MEGF11: variants seen among roughly 807,000 people sequenced by gnomAD.
MEGF11 encodes the protein multiple EGF like domains 11.
In MEGF11, 126 loss-of-function variants were observed where a neutral mutation model predicts 146.6. That is an observed-to-expected ratio of 0.86 (90% CI 0.74 to 1.00). The LOEUF (loss-of-function observed/expected upper bound fraction) is 1.00, where lower values mean the gene tolerates loss of function less well. Among genes scored for constraint, MEGF11 ranks in the 50% least tolerant of loss-of-function variants. The pLI is 0.00. For synonymous variants in MEGF11, 532 were observed against 583.4 expected, an observed-to-expected ratio of 0.91 and a Z score of 1.27; for missense variants, 1,509 against 1,521.2, an observed-to-expected ratio of 0.99 and a Z score of 0.13.
intron 5 of MEGF11, among the ~76,000 whole-genome samples, chr15:66,012,901 G>T (rs574915806): frequency 1.3e-5 from 2 of 152,256 alleles, no homozygotes; most frequent in Non-Finnish European, 2.9e-5. Context: ...CCGCACAGGG[G>T]TTCTGCAGTA....
intron 1 of MEGF11, among the ~76,000 whole-genome samples, chr15:66,194,524 C>T (rs1022148039): frequency 6.6e-6 from 1 of 152,144 alleles, no homozygotes. Flanking sequence ...AGGAGAATCG[C>T]TTGAACCCAG....
chr15:66,137,558 T>C, intron 1 of MEGF11, among the ~76,000 whole-genome samples: 1 of 100,906 alleles, frequency 9.9e-6, no homozygotes, highest in Admixed American at 1.2e-4. Flanking sequence ...TGACTTTCTT[T>C]CTTTTTTTTT....
At chr15:66,194,006 T>A (rs1319671689) in intron 1 of MEGF11, among the ~76,000 whole-genome samples, 1 of 152,120 alleles carries the variant, frequency 6.6e-6, no homozygotes, top group Non-Finnish European at 1.5e-5. Flanking sequence ...TACGTATCTA[T>A]CCAGAGGAAA....
At chr15:66,037,840 G>A (rs758005597) in intron 5 of MEGF11, among the ~76,000 whole-genome samples, 31 of 152,192 alleles carry the variant, frequency 2.0e-4, no homozygotes, top group Non-Finnish European at 1.6e-4. Flanking sequence ...TGTCTAGCCC[G>A]GGGTTCCCCA....
At chr15:66,067,017 T>C (rs1214661345) in intron 5 of MEGF11, among the ~76,000 whole-genome samples, 2 of 152,214 alleles carry the variant, frequency 1.3e-5, no homozygotes, top group African/African-American at 2.4e-5. Flanking sequence ...GCTATCTCTC[T>C]GGGCTTCGGT....
chr15:65,938,942 T>C (rs974454763), intron 10 of MEGF11, among the ~76,000 whole-genome samples: 1 of 152,254 alleles, frequency 6.6e-6, no homozygotes, highest in Admixed American at 6.5e-5. Flanking sequence ...GGAAAATTAA[T>C]CAACAGCTGA....
At chr15:65,971,772 G>A (rs1250196003) in intron 7 of MEGF11, among the ~76,000 whole-genome samples, 2 of 152,152 alleles carry the variant, frequency 1.3e-5, no homozygotes, top group Non-Finnish European at 2.9e-5. Context: ...TGAACAGATG[G>A]CCAAGGATCA....
intron 20 of MEGF11, 149 bp downstream of exon 20, chr15:65,913,588 G>C: frequency 1.4e-6 from 1 of 693,612 alleles, no homozygotes; most frequent in Non-Finnish European, 2.5e-6. Flanking sequence ...TCTTCTCTAG[G>C]TAGGCTCCTG....
intron 5 of MEGF11, among the ~76,000 whole-genome samples, chr15:65,993,769 G>T (rs995042510): frequency 2.6e-5 from 4 of 152,186 alleles, no homozygotes; most frequent in Non-Finnish European, 4.4e-5. Context: ...GAAGTTGTGG[G>T]GTCCAAGCCC....
intron 5 of MEGF11, among the ~76,000 whole-genome samples, chr15:66,032,331 T>C (rs1339951775): frequency 2.6e-5 from 4 of 151,978 alleles, no homozygotes; most frequent in African/African-American, 9.7e-5. Flanking sequence ...TACTGAAAAA[T>C]GGGATTGTTG....
chr15:65,988,869 G>A (rs911441701), intron 5 of MEGF11, among the ~76,000 whole-genome samples: 1 of 152,114 alleles, frequency 6.6e-6, no homozygotes, highest in African/African-American at 2.4e-5. Context: ...CCAGCTCAGC[G>A]GGGCACAAGA....
At chr15:65,986,689 G>A (rs1040935956) in intron 5 of MEGF11, among the ~76,000 whole-genome samples, 7 of 151,784 alleles carry the variant, frequency 4.6e-5, no homozygotes, top group South Asian at 2.1e-4. Context: ...ACAGAGAATC[G>A]CAAACTCTTA....
intron 1 of MEGF11, among the ~76,000 whole-genome samples, chr15:66,213,975 TCTC>T (rs1405621316): frequency 6.6e-6 from 1 of 150,772 alleles, no homozygotes; most frequent in African/African-American, 2.4e-5. Context: ...CGCCAACCCT[TCTC>T]CTCTCCCTGA....
chr15:66,154,274 A>C (rs1016177175), intron 1 of MEGF11, among the ~76,000 whole-genome samples: 2 of 137,740 alleles, frequency 1.5e-5, no homozygotes, highest in East Asian at 4.6e-4. Context: ...CTGTTGCTTC[A>C]CTCCATTCTC....
intron 15 of MEGF11, among the ~76,000 whole-genome samples, chr15:65,920,462 C>G (rs948690158): frequency 6.6e-6 from 1 of 152,202 alleles, no homozygotes; most frequent in Non-Finnish European, 1.5e-5. Context: ...GCCAGAGCTG[C>G]TCCCCCTACC....
At chr15:66,019,613 G>A (rs544277429) in intron 5 of MEGF11, among the ~76,000 whole-genome samples, 27 of 152,284 alleles carry the variant, frequency 1.8e-4, no homozygotes, top group Middle Eastern at 3.4e-3. Flanking sequence ...GCAGCAGACC[G>A]GCTCCTCCAG....
chr15:65,931,280 C>T (rs138476286), intron 10 of MEGF11, among the ~76,000 whole-genome samples: 18 of 152,136 alleles, frequency 1.2e-4, no homozygotes, highest in Non-Finnish European at 2.4e-4. Flanking sequence ...GAAGGGGCCA[C>T]GAGCTGAGGA....
chr15:66,178,419 C>T (rs1320253591), intron 1 of MEGF11, among the ~76,000 whole-genome samples: 3 of 152,210 alleles, frequency 2.0e-5, no homozygotes, highest in Admixed American at 1.3e-4. Context: ...AAAACTTGCT[C>T]TTCCTATTAA....
Position 66,228,412 on chromosome 15 carries a change from T to C in MEGF11, c.-9+25193A>G, listed in dbSNP as rs1033771996. 4.0e-5 allele frequency among the ~76,000 whole-genome samples: 6 copies of C among 151,770 alleles called. No homozygotes were observed. The South Asian group carries it at 1.3e-3, about 32-fold the overall frequency. On this transcript the variant is annotated intron_variant, in intron 1 of 25. Transcript: ENST00000395614. Reference sequence around the variant, plus strand: ...TTCCTTTTAGAAGGAAGGCTTCTACTTGTGACAGGCTATGGAGCCCCAGAG... The same window carrying C: ...TTCCTTTTAGAAGGAAGGCTTCTACCTGTGACAGGCTATGGAGCCCCAGAG...
Sources: gnomAD v4.1 joint callset for allele counts (sites outside exome capture counted in the v4.1 genomes callset) on GRCh38, gnomAD v4.1.1 for gene constraint, MANE v1.5 for transcripts, NCBI Gene and HGNC (gene_info 2026-07-23, HGNC 2026-07-21) for gene names.